HPSE2: variants seen among roughly 807,000 people sequenced by gnomAD.
HPSE2 encodes the protein inactive heparanase-2.
HPSE2 carries 38 observed loss-of-function variants against 60.5 expected under a neutral mutation model. The observed-to-expected ratio is 0.63, with a 90% CI of 0.48 to 0.82. The LOEUF is 0.82. HPSE2 is among the 40% of genes least tolerant of loss of function. The probability of loss-of-function intolerance (pLI) is 0.00; values close to 1 mark genes in which losing one functional copy is unlikely to be tolerated. For synonymous variants in HPSE2, 295 were observed against 293.2 expected (o/e 1.01, Z -0.06); for missense variants, 713 against 740.4 (o/e 0.96, Z 0.43).
chr10:98,744,985 G>A (rs190618440), intron 3 of HPSE2, among the ~76,000 whole-genome samples: 3 of 152,150 alleles, frequency 2.0e-5, no homozygotes, highest in Non-Finnish European at 4.4e-5. Context: ...GGTGGATCTC[G>A]AGGTCAGGAG....
At chr10:98,598,485 A>G (rs550948144) in intron 9 of HPSE2, among the ~76,000 whole-genome samples, 1 of 152,278 alleles carries the variant, frequency 6.6e-6, no homozygotes, top group South Asian at 2.1e-4. Context: ...GACTGGGTCC[A>G]TAGAGGTTGA....
chr10:99,100,975 G>A (rs1478318198), intron 3 of HPSE2, among the ~76,000 whole-genome samples: 1 of 152,104 alleles, frequency 6.6e-6, no homozygotes, highest in Non-Finnish European at 1.5e-5. Context: ...CCCTAAAAGA[G>A]CTCCTGAAGG....
At chr10:98,790,786 G>C (rs1336588052) in intron 3 of HPSE2, among the ~76,000 whole-genome samples, 1 of 151,978 alleles carries the variant, frequency 6.6e-6, no homozygotes, top group Non-Finnish European at 1.5e-5. Flanking sequence ...ATTATAATTT[G>C]TCAATTAAAA....
chr10:98,482,770 A>G lies in HPSE2; in HGVS notation c.1479T>C (p.Val493=), dbSNP rs1564909681. 1.2e-6 allele frequency: 2 copies of G among 1,614,200 alleles called. No homozygotes were observed. The highest frequency in any genetic ancestry group is 1.7e-6 in the Non-Finnish European group (2 of 1,180,034). The change falls in exon 11 of 12, where the codon GTT becomes GTC. Residue 493 remains valine (V), a synonymous_variant. Transcript: ENST00000370552. The stretch of plus-strand genomic sequence containing the variant: ...TGATAAAAAGTGTAATGGACCCACG[A>G]ACGTAGTTGTGGCTGAGATCCAGAG... The part of the protein sequence containing the change: ...HCTNHHNHNY[V]RGSITLFIIN...
chr10:98,576,552 TG>T (rs1944645503), intron 9 of HPSE2, among the ~76,000 whole-genome samples: 1 of 151,854 alleles, frequency 6.6e-6, no homozygotes, highest in African/African-American at 2.4e-5. Flanking sequence ...GAGAGGGAGG[TG>T]GGGGACAGAG....
intron 3 of HPSE2, among the ~76,000 whole-genome samples, chr10:99,070,009 T>C (rs930819629): frequency 1.3e-5 from 2 of 152,162 alleles, no homozygotes; most frequent in African/African-American, 2.4e-5. Context: ...TTCAGCACTG[T>C]TGTCCAGAGC....
At chr10:99,055,400 A>C (rs1160303122) in intron 3 of HPSE2, among the ~76,000 whole-genome samples, 1 of 152,180 alleles carries the variant, frequency 6.6e-6, no homozygotes, top group Non-Finnish European at 1.5e-5. Flanking sequence ...GCTTGAGGAC[A>C]AGTCAATAAA....
At chr10:98,882,738 A>G (rs1590004656) in intron 3 of HPSE2, among the ~76,000 whole-genome samples, 1 of 152,224 alleles carries the variant, frequency 6.6e-6, no homozygotes. Flanking sequence ...TAAATGTAAA[A>G]TATTTTAACA....
At chr10:98,868,016 C>T (rs1000045387) in intron 3 of HPSE2, among the ~76,000 whole-genome samples, 4 of 151,316 alleles carry the variant, frequency 2.6e-5, no homozygotes, top group African/African-American at 7.3e-5. Context: ...GAGCCGAGAT[C>T]GTGCCACTGC....
chr10:99,042,515 C>T (rs1957762884), intron 3 of HPSE2, among the ~76,000 whole-genome samples: 1 of 152,154 alleles, frequency 6.6e-6, no homozygotes, highest in African/African-American at 2.4e-5. Flanking sequence ...CACCACAGGG[C>T]TGCAGTGCAA....
intron 6 of HPSE2, among the ~76,000 whole-genome samples, chr10:98,646,450 C>T (rs1476150367): frequency 2.0e-5 from 3 of 151,956 alleles, no homozygotes; most frequent in Non-Finnish European, 4.4e-5. Flanking sequence ...TACCACAAGT[C>T]GTCGAGCTGT....
chr10:98,814,928 G>A (rs1951250750), intron 3 of HPSE2, among the ~76,000 whole-genome samples: 1 of 152,174 alleles, frequency 6.6e-6, no homozygotes, highest in Non-Finnish European at 1.5e-5. Flanking sequence ...GGAAGAGTCA[G>A]GCTGTATCAG....
At chr10:99,117,034 A>G (rs1212405671) in intron 3 of HPSE2, among the ~76,000 whole-genome samples, 1 of 152,124 alleles carries the variant, frequency 6.6e-6, no homozygotes, top group Non-Finnish European at 1.5e-5. Context: ...AAAAACGAAA[A>G]GAAAGACTAC....
chr10:98,585,566 G>A (rs1029518675), intron 9 of HPSE2, among the ~76,000 whole-genome samples: 3 of 151,292 alleles, frequency 2.0e-5, no homozygotes, highest in South Asian at 2.1e-4. Flanking sequence ...CACCAAGCCC[G>A]GCCTACAGTA....
intron 3 of HPSE2, among the ~76,000 whole-genome samples, chr10:99,059,842 T>A (rs1052613324): frequency 1.3e-5 from 2 of 152,118 alleles, no homozygotes; most frequent in African/African-American, 4.8e-5. Context: ...GGTCTTGCTC[T>A]TAAAAAATGT....
chr10:98,874,218 C>A (rs1952812346), intron 3 of HPSE2, among the ~76,000 whole-genome samples: 1 of 150,010 alleles, frequency 6.7e-6, no homozygotes, highest in African/African-American at 2.5e-5. Flanking sequence ...TTAATTAGAT[C>A]CTATTTGTCA....
chr10:98,875,787 TA>T (rs1952861796), intron 3 of HPSE2, among the ~76,000 whole-genome samples: 1 of 152,036 alleles, frequency 6.6e-6, no homozygotes, highest in African/African-American at 2.4e-5. Context: ...TTGCATCAAA[TA>T]AACACTTGGT....
At chr10:98,638,512 G>T (rs1186783298) in intron 7 of HPSE2, among the ~76,000 whole-genome samples, 1 of 152,158 alleles carries the variant, frequency 6.6e-6, no homozygotes, top group Non-Finnish European at 1.5e-5. Flanking sequence ...TGAGGAACTT[G>T]CAAGAAAGCC....
the HPSE2 span, among the ~76,000 whole-genome samples, chr10:99,301,285 C>T: frequency 1.3e-5 from 2 of 152,130 alleles, no homozygotes; most frequent in South Asian, 2.1e-4. Flanking sequence ...TAATGGGTCC[C>T]TCTTGCAATA....
Sources: gnomAD v4.1 joint callset for allele counts (sites outside exome capture counted in the v4.1 genomes callset) on GRCh38, gnomAD v4.1.1 for gene constraint, MANE v1.5 for transcripts, NCBI Gene and HGNC (gene_info 2026-07-23, HGNC 2026-07-21) for gene names.